Variants in NAALADL1 observed in about 807,000 individuals in gnomAD.
NAALADL1 encodes the protein aminopeptidase NAALADL1.
In NAALADL1, 77 loss-of-function variants were observed where a neutral mutation model predicts 82.8. That is an observed-to-expected ratio of 0.93 (90% CI 0.77 to 1.12). The LOEUF (loss-of-function observed/expected upper bound fraction) is 1.12. NAALADL1 is among the 50% of genes most tolerant of loss of function. The pLI is 0.00. For synonymous variants in NAALADL1, 358 were observed against 399.2 expected, an observed-to-expected ratio of 0.90 and a Z score of 1.23; for missense variants, 956 against 964.0, an observed-to-expected ratio of 0.99 and a Z score of 0.11.
chr11:65,057,773 G>A lies in NAALADL1; in HGVS notation c.480+102C>T, dbSNP rs753673720. 20 of 1,534,762 alleles carry A rather than the reference G, an allele frequency of 1.3e-5. No individual in the cohort carries two copies. The Middle Eastern group carries it at 9.5e-4, about 73-fold the overall frequency. On this transcript the variant is annotated intron_variant, in intron 3 of 17. Transcript: ENST00000358658. The stretch of plus-strand genomic sequence containing the variant: ...CCGGTGAGTAAATTCCGGAGGGCGC[G>A]CTGTGCCCCAGTTGAGGCACGTTCC...
chr11:65,060,554 A>G (rs1947170223), upstream of NAALADL1, among the ~76,000 whole-genome samples: 2 of 152,102 alleles, frequency 1.3e-5, no homozygotes, highest in South Asian at 2.1e-4. Flanking sequence ...TAACCCCTCA[A>G]TCATGTGAAG....
chr11:65,047,834 G>A, intron 11 of NAALADL1, 96 bp from the exon 12 acceptor site: 1 of 1,476,660 alleles, frequency 6.8e-7, no homozygotes, highest in Non-Finnish European at 9.2e-7. Flanking sequence ...CCGTGGTCCA[G>A]TCCTTACGAG....
chr11:65,053,665 A>AGTGACGTGGCAAGGCC lies in NAALADL1; in HGVS notation c.993-105_993-90dup, dbSNP rs770503927. On this transcript the variant is annotated intron_variant, in intron 6 of 17. Transcript: ENST00000358658. This position sits in a 1 kb window ranked among gnomAD's most constrained non-coding sequence, Gnocchi z 4.3. ...GAGACACTGAGGCCCGGAGCTGGAA[A>AGTGACGTGGCAAGGCC]GTGACGTGGCAAGGCCATTCATTGG... is the stretch of plus-strand genomic sequence containing the variant. 5.0e-6 allele frequency: 6 copies of AGTGACGTGGCAAGGCC among 1,207,392 alleles called. No individual in the cohort carries two copies. Among genetic ancestry groups the AGTGACGTGGCAAGGCC allele is most frequent in the Non-Finnish European group, 6.9e-6 (6 of 866,522 alleles). 74.8% of individuals were successfully genotyped at this position (1,207,392 alleles called of 1,614,324 possible). A position where few individuals can be genotyped will look rare whatever the true frequency, so the allele number is the denominator to read the frequency against.
At chr11:65,048,772 A>G (rs752982481) in intron 8 of NAALADL1, among the ~76,000 whole-genome samples, 5 of 152,144 alleles carry the variant, frequency 3.3e-5, no homozygotes, top group African/African-American at 4.8e-5. Context: ...CCCTACAACA[A>G]TGCCTTGAGG....
rs769640114 is a variant in NAALADL1 at position 65,046,026 on chromosome 11, C to T, written c.1943+1G>A. On this transcript the variant is annotated splice_donor_variant, in intron 16 of 17. Transcript: ENST00000358658. LOFTEE classifies it high-confidence loss of function. ...AGCCCCTGCCCGCTGCCCTTGCTCA[C>T]TCAGGGCTGCCCTTCTGCAGTGTTG... is the stretch of plus-strand genomic sequence containing the variant. 3 of 1,613,776 alleles carry T rather than the reference C, an allele frequency of 1.9e-6. No individual in the cohort carries two copies. The Admixed American group carries it at 5.0e-5, about 27-fold the overall frequency.
Position 65,058,148 on chromosome 11 carries a change from C to G in NAALADL1, c.288G>C (p.Ser96=). 1 of 1,613,914 alleles carries G rather than the reference C, an allele frequency of 6.2e-7. No homozygotes were observed. The change falls in exon 2 of 18, where the codon TCG becomes TCC. Residue 96 remains serine, a synonymous_variant. Coordinates refer to ENST00000358658, the MANE Select transcript of NAALADL1 (RefSeq NM_005468.3). The stretch of plus-strand genomic sequence containing the variant: ...GCACTTCGTACGTGGAGGCCTCGGC[C>G]GAGTCCAGGCCTGACTCTGGGTCCT... ...RWKDPESGLD[S]AEASTYEVLL...
chr11:65,054,590 T>G lies in NAALADL1; in HGVS notation c.752A>C (p.Glu251Ala), dbSNP rs766830241. The change falls in exon 5 of 18, where the codon GAG becomes GCG. Residue 251 changes from glutamate (E) to alanine (A), a missense_variant. Transcript: ENST00000358658. This position sits in a 1 kb window ranked among gnomAD's most constrained non-coding sequence, Gnocchi z 4.3. ...GGGAGTCAGAGGGTCCCCAAAATAC[T>G]CGTAGTAGGAGCCTCGCTCCACTCC... ...PSGVERGSYY[E>A]YFGDPLTPYL... 5 of 1,613,724 alleles carry G rather than the reference T, an allele frequency of 3.1e-6. No homozygotes were observed. The highest frequency in any genetic ancestry group is 4.2e-6 in the Non-Finnish European group (5 of 1,179,822).
intron 8 of NAALADL1, among the ~76,000 whole-genome samples, chr11:65,051,672 G>T (rs947299094): frequency 4.0e-5 from 6 of 151,426 alleles, no homozygotes; most frequent in African/African-American, 1.2e-4. Context: ...TATCATACAA[G>T]GGGGGGGATG....
rs1195435423 is a variant in NAALADL1 at position 65,058,215 on chromosome 11, G to C, written c.221C>G (p.Pro74Arg). Residue 74 changes from proline (P) to arginine (R), a missense_variant, in exon 2 of 18, where the codon CCT (proline) becomes CGT (arginine). Coordinates refer to ENST00000358658, the MANE Select transcript of NAALADL1 (RefSeq NM_005468.3). The stretch of plus-strand genomic sequence containing the variant: ...CAGCTGCACCAGGTCCTCATCCCGA[G>C]GGCTGGAGGCCAGGTGTGGCTCCCT... ...LSREPHLASSPRDEDLVQLLL... is the reference protein window; with the variant it reads ...LSREPHLASSRRDEDLVQLLL... The C allele has an allele frequency of 6.2e-7, 1 of 1,613,742 alleles. No individual in the cohort carries two copies.
In NAALADL1 at chr11:65,058,162, ACT is replaced by A; in HGVS notation, c.272_273del (p.Glu91ValfsTer19). ...GAGGCCTCGGCCGAGTCCAGGCCTG[ACT>A]CTGGGTCCTTCCAGCGCTGCAGCAG... ...QLLLQRWKDP[E>X]SGLDSAEAST... On this transcript the variant is annotated frameshift_variant, in exon 2 of 18. Coordinates refer to ENST00000358658, the MANE Select transcript of NAALADL1 (RefSeq NM_005468.3). LOFTEE classifies it high-confidence loss of function. 6.2e-7 allele frequency: 1 copy of A among 1,613,782 alleles called. No individual in the cohort carries two copies. Among genetic ancestry groups the A allele is most frequent in the Non-Finnish European group, 8.5e-7 (1 of 1,179,898 alleles).
chr11:65,056,920 T>C (rs1189609739), intron 4 of NAALADL1, among the ~76,000 whole-genome samples: 2 of 152,198 alleles, frequency 1.3e-5, no homozygotes, highest in Non-Finnish European at 2.9e-5. Flanking sequence ...TTTCACCATG[T>C]TGGCCAGGCT....
chr11:65,057,227 A>T, intron 4 of NAALADL1, 144 bp downstream of exon 4: 1 of 1,263,004 alleles, frequency 7.9e-7, no homozygotes, highest in Non-Finnish European at 1.1e-6. Flanking sequence ...CAACCCGAAA[A>T]CACCTTGCCT....
In NAALADL1 at chr11:65,054,388, G is replaced by A. The variant is rs1590768904; in HGVS notation, c.888-34C>T. On this transcript the variant is annotated intron_variant, in intron 5 of 17. Transcript: ENST00000358658. The surrounding 1 kb of genome is among the most constrained non-coding windows in gnomAD (Gnocchi z 4.3). ...GAGGAAGAGGCCCTTCAGGGTAAATGTGAGTGTGGGGCTTGAAGTCTGGAG... is the reference window on the plus strand; with the variant it reads ...GAGGAAGAGGCCCTTCAGGGTAAATATGAGTGTGGGGCTTGAAGTCTGGAG... 2 of 1,613,046 alleles carry A rather than the reference G, an allele frequency of 1.2e-6. No homozygotes were observed. Among genetic ancestry groups the A allele is most frequent in the Non-Finnish European group, 1.7e-6 (2 of 1,179,204 alleles).
upstream of NAALADL1, among the ~76,000 whole-genome samples, chr11:65,060,889 C>A (rs1565258360): frequency 6.6e-6 from 1 of 152,044 alleles, no homozygotes; most frequent in Non-Finnish European, 1.5e-5. Flanking sequence ...GCTCTGGGTC[C>A]AAGGGGTCTT....
At chr11:65,045,571 G>T in intron 17 of NAALADL1, 114 bp from the exon 18 acceptor site, 1 of 1,162,394 alleles carries the variant, frequency 8.6e-7, no homozygotes, top group Non-Finnish European at 1.2e-6. Context: ...AAGCACCCCC[G>T]TCCACTTGTC....
At position 65,045,850 on chromosome 11, in the gene NAALADL1, T is replaced by C; in HGVS notation, c.2008A>G (p.Arg670Gly). The C allele has an allele frequency of 6.2e-7, 1 of 1,614,114 alleles. No individual in the cohort carries two copies. Among genetic ancestry groups the C allele is most frequent in the Non-Finnish European group, 8.5e-7 (1 of 1,180,002 alleles). ...MLLERTFLNPRAFPEERYYSH... is the reference protein window; with the variant it reads ...MLLERTFLNPGAFPEERYYSH... Reference sequence around the variant, plus strand: ...TAGTAGCGTTCCTCTGGGAAGGCTCTAGGGTTCAGAAAGGTCCGTTCCAAG... The same window carrying C: ...TAGTAGCGTTCCTCTGGGAAGGCTCCAGGGTTCAGAAAGGTCCGTTCCAAG... The change falls in exon 17 of 18, where the codon AGA becomes GGA. Residue 670 changes from arginine (R) to glycine (G), a missense_variant. By Grantham distance (125) the Arg-to-Gly change is moderately radical. Coordinates refer to ENST00000358658, the MANE Select transcript of NAALADL1 (RefSeq NM_005468.3).
Position 65,054,091 on chromosome 11 carries a change from A to T in NAALADL1, c.992+159T>A, listed in dbSNP as rs111664935. The stretch of plus-strand genomic sequence containing the variant: ...AGCTGTTTCACGGGCTTCCCCAAAA[A>T]CAAGACATATTTTGGGGTCAGGAGA... On this transcript the variant is annotated intron_variant, in intron 6 of 17. Transcript: ENST00000358658. The surrounding 1 kb of genome is among the most constrained non-coding windows in gnomAD (Gnocchi z 4.3). Among the ~76,000 whole-genome samples the T allele has an allele frequency of 1.9e-3, 296 of 152,286 alleles. 1 individual carries two copies. Among genetic ancestry groups the T allele is most frequent in the African/African-American group, 6.8e-3 (284 of 41,552 alleles).
At chr11:65,049,969 A>G (rs917446951) in intron 8 of NAALADL1, among the ~76,000 whole-genome samples, 27 of 150,778 alleles carry the variant, frequency 1.8e-4, no homozygotes, top group Non-Finnish European at 3.4e-4. Context: ...TCTGCCCCCC[A>G]GGTTCAAGCG....
At chr11:65,047,848 T>C (rs2136977748) in intron 11 of NAALADL1, 110 bp from the exon 12 acceptor site, 1 of 1,458,954 alleles carries the variant, frequency 6.9e-7, no homozygotes, top group East Asian at 2.5e-5. Flanking sequence ...TTACGAGGCT[T>C]GCCCCAGCCT....
Sources: gnomAD v4.1 joint callset for allele counts (sites outside exome capture counted in the v4.1 genomes callset) on GRCh38, gnomAD v4.1.1 for gene constraint, Gnocchi (gnomAD v3.1) non-coding constraint, MANE v1.5 for transcripts, NCBI Gene and HGNC (gene_info 2026-07-23, HGNC 2026-07-21) for gene names.